The following NUMA1 variants were observed in gnomAD, a reference collection of about 807,000 sequenced individuals.
The protein encoded by NUMA1 is nuclear mitotic apparatus protein 1, also known as SP-H antigen.
A neutral mutation model predicts 237.1 loss-of-function variants in NUMA1; 62 were observed. The observed-to-expected ratio is 0.26, with a 90% CI of 0.21 to 0.32. The LOEUF is 0.32. NUMA1 is among the 10% of genes least tolerant of loss of function. The probability of loss-of-function intolerance (pLI) is 1.00; values close to 1 mark genes in which losing one functional copy is unlikely to be tolerated. For missense variants in NUMA1, 2,533 were observed against 2,666.5 expected (o/e 0.95, Z 1.10); for synonymous variants, 1,028 against 1,066.1 (o/e 0.96, Z 0.70).
chr11:72,056,635 TAAAAAAAAAAAA>T (rs59248999), intron 2 of NUMA1, among the ~76,000 whole-genome samples: 1 of 76,010 alleles, frequency 1.3e-5, no homozygotes, highest in African/African-American at 6.5e-5. Context: ...CCCATCTCTT[TAAAAAAAAAAAA>T]AAAAAAAAAA....
intron 1 of NUMA1, among the ~76,000 whole-genome samples, chr11:72,071,254 T>C (rs534598127): frequency 9.2e-5 from 14 of 151,914 alleles, no homozygotes; most frequent in Non-Finnish European, 2.1e-4. Context: ...ATAGGGTTTA[T>C]AGATTAGACA....
chr11:72,065,491 T>A (rs1190187846), intron 2 of NUMA1: 2 of 152,180 alleles, frequency 1.3e-5, no homozygotes, highest in Non-Finnish European at 2.9e-5. Flanking sequence ...TTAGGTAATA[T>A]ATGATCTGGA....
In NUMA1 at chr11:72,029,943, T is replaced by C. The variant is rs983466015; in HGVS notation, c.43-653A>G. Among the ~76,000 whole-genome samples, 6 of 152,270 alleles carry C rather than the reference T, an allele frequency of 3.9e-5. No homozygotes were observed. In the East Asian group the frequency reaches 1.2e-3, roughly 29 times the overall value. On this transcript the variant is annotated intron_variant, in intron 3 of 26. Transcript: ENST00000393695. Reference sequence around the variant, plus strand: ...TATGCTATACACTCCCACAAAGATATAAAATCTTATTAATACATTTTTATT... The same window carrying C: ...TATGCTATACACTCCCACAAAGATACAAAATCTTATTAATACATTTTTATT...
chr11:72,070,723 C>T (rs1943407968), intron 1 of NUMA1, among the ~76,000 whole-genome samples: 1 of 152,090 alleles, frequency 6.6e-6, no homozygotes, highest in Non-Finnish European at 1.5e-5. Context: ...GAGCTGAGAC[C>T]GTGCCACTGG....
intron 1 of NUMA1, among the ~76,000 whole-genome samples, chr11:72,071,022 T>G (rs1474329556): frequency 1.3e-5 from 2 of 152,244 alleles, no homozygotes; most frequent in African/African-American, 4.8e-5. Flanking sequence ...TCTACACCAT[T>G]AGGCTTCTAG....
chr11:72,008,447 G>A, intron 20 of NUMA1: 3 of 529,080 alleles, frequency 5.7e-6, no homozygotes, highest in Non-Finnish European at 1.0e-5. Context: ...CGTCAACCTG[G>A]CACACACACC....
intron 2 of NUMA1, among the ~76,000 whole-genome samples, chr11:72,062,434 C>T (rs541016680): frequency 1.3e-5 from 2 of 152,224 alleles, no homozygotes; most frequent in African/African-American, 4.8e-5. Flanking sequence ...CATTTTAGGC[C>T]AGGCGCGGTG....
Position 72,003,977 on chromosome 11 carries a change from A to G in NUMA1, c.6246T>C (p.Ser2082=). 6.2e-7 allele frequency: 1 copy of G among 1,612,724 alleles called. No individual in the cohort carries two copies. Among genetic ancestry groups the G allele is most frequent in the Non-Finnish European group, 8.5e-7 (1 of 1,179,554 alleles). Residue 2082 remains serine, a synonymous_variant, in exon 26 of 27, where the codon AGT becomes AGC. Coordinates refer to ENST00000393695, the MANE Select transcript of NUMA1 (RefSeq NM_006185.4). ...CAATGCGCGGAGAACGGCGGGTTCC[A>G]CTGCGAGTGTTGGGGGAAGCCTTGG... ...ALSKASPNTR[S]GTRRSPRIAT...
At chr11:72,064,173 T>C (rs1313475678) in intron 2 of NUMA1, among the ~76,000 whole-genome samples, 1 of 151,958 alleles carries the variant, frequency 6.6e-6, no homozygotes, top group Admixed American at 6.6e-5. Flanking sequence ...TTTAAATAAG[T>C]TTGGCTGGGT....
At chr11:72,052,158 T>C (rs1942397903) in intron 2 of NUMA1, among the ~76,000 whole-genome samples, 1 of 152,068 alleles carries the variant, frequency 6.6e-6, no homozygotes, top group Non-Finnish European at 1.5e-5. Flanking sequence ...TCTTAGCATA[T>C]AGGGGCGTGG....
rs546014124 is a variant in NUMA1, at chr11:72,045,424, C to T, written c.-32-9449G>A. ...GAGCACCATGAAAGCAAAGGCAAAGCAGATACCAAAACTTTTACAGAAAAG... is the reference window on the plus strand; with the variant it reads ...GAGCACCATGAAAGCAAAGGCAAAGTAGATACCAAAACTTTTACAGAAAAG... On this transcript the variant is annotated intron_variant, in intron 2 of 26. Coordinates refer to ENST00000393695, the MANE Select transcript of NUMA1 (RefSeq NM_006185.4). Among the ~76,000 whole-genome samples, 6 of 152,330 alleles carry T rather than the reference C, an allele frequency of 3.9e-5. No homozygotes were observed. In the South Asian group the frequency reaches 1.2e-3, roughly 32 times the overall value.
At chr11:72,059,558 C>T (rs1288861558) in intron 2 of NUMA1, among the ~76,000 whole-genome samples, 5 of 152,196 alleles carry the variant, frequency 3.3e-5, no homozygotes, top group African/African-American at 1.2e-4. Context: ...TGTGAGCTAT[C>T]ATGGCTGGCA....
intron 17 of NUMA1, among the ~76,000 whole-genome samples, chr11:72,009,880 A>G (rs1206472917): frequency 6.6e-6 from 1 of 152,214 alleles, no homozygotes; most frequent in Non-Finnish European, 1.5e-5. Flanking sequence ...CAGTGACTAA[A>G]TGGCAGAGTA....
chr11:72,040,079 T>G (rs1195750443), intron 2 of NUMA1, among the ~76,000 whole-genome samples: 1 of 152,162 alleles, frequency 6.6e-6, no homozygotes, highest in Non-Finnish European at 1.5e-5. Context: ...AAACAATCTT[T>G]CTCAATTCCT....
chr11:72,046,974 A>G (rs1000423045), intron 2 of NUMA1, among the ~76,000 whole-genome samples: 9 of 152,108 alleles, frequency 5.9e-5, no homozygotes, highest in African/African-American at 2.2e-4. Context: ...AAAGAGAAAA[A>G]AAAAGAATTT....
chr11:72,016,137 G>C lies in NUMA1; in HGVS notation c.1366C>G (p.His456Asp). The C allele has an allele frequency of 1.9e-6, 3 of 1,614,042 alleles. No individual in the cohort carries two copies. The highest frequency in any genetic ancestry group is 2.5e-6 in the Non-Finnish European group (3 of 1,179,982). The change falls in exon 15 of 27, where the codon CAC becomes GAC. Residue 456 changes from histidine (H) to aspartate (D), a missense_variant. By Grantham distance (81) the His-to-Asp change is moderately conservative. This residue lies in a region of NUMA1 where 1,414 missense variants were observed against 1,508.1 expected (regional missense o/e 0.94). Coordinates refer to ENST00000393695, the MANE Select transcript of NUMA1 (RefSeq NM_006185.4). ...AGCTGCTGCTTTTCTTCTTCGAAGT[G>C]GCCCCGCTCAGCAAGCAGCTTGGCT... ...QEAKLLAERG[H>D]FEEEKQQLSS...
intron 11 of NUMA1, 33 bp downstream of exon 11, chr11:72,018,363 G>A: frequency 1.9e-6 from 3 of 1,606,620 alleles, no homozygotes; most frequent in Non-Finnish European, 2.6e-6. Context: ...GGGAGGGGCT[G>A]GGGCCTGGGA....
At chr11:72,025,488 G>A (rs1042999045) in intron 4 of NUMA1, among the ~76,000 whole-genome samples, 1 of 152,086 alleles carries the variant, frequency 6.6e-6, no homozygotes, top group African/African-American at 2.4e-5. Context: ...AACCTAGTGG[G>A]GGAACTTCGC....
intron 2 of NUMA1, among the ~76,000 whole-genome samples, chr11:72,061,307 C>G (rs1942924045): frequency 6.6e-6 from 1 of 152,062 alleles, no homozygotes; most frequent in Non-Finnish European, 1.5e-5. Context: ...CAGAGCATGG[C>G]TATGTTACAG....
Sources: gnomAD v4.1 joint callset for allele counts (sites outside exome capture counted in the v4.1 genomes callset) on GRCh38, gnomAD v4.1.1 for gene constraint, gnomAD v4.1.1 regional missense constraint, MANE v1.5 for transcripts, NCBI Gene and HGNC (gene_info 2026-07-23, HGNC 2026-07-21) for gene names.